The following ANKRD29 variants were observed in gnomAD, a reference collection of about 807,000 sequenced individuals.
ANKRD29 encodes the protein ankyrin repeat domain 29.
In ANKRD29, 32 loss-of-function variants were observed where a neutral mutation model predicts 38.0. That is an observed-to-expected ratio of 0.84 (90% CI 0.64 to 1.13). The LOEUF (loss-of-function observed/expected upper bound fraction) is 1.13. ANKRD29 is among the 50% of genes most tolerant of loss of function. The pLI is 0.00. For synonymous variants in ANKRD29, 135 were observed against 152.4 expected (o/e 0.89, Z 0.84); for missense variants, 357 against 377.9 (o/e 0.94, Z 0.46).
At chr18:23,617,055 C>G (rs2059732798) in intron 8 of ANKRD29, among the ~76,000 whole-genome samples, 1 of 152,040 alleles carries the variant, frequency 6.6e-6, no homozygotes, top group Non-Finnish European at 1.5e-5. Flanking sequence ...CCCGTCTCTA[C>G]TAAAAATACA....
intron 6 of ANKRD29, chr18:23,619,934 A>G (rs2059775740): frequency 2.8e-6 from 1 of 351,512 alleles, no homozygotes; most frequent in Admixed American, 4.6e-5. Context: ...AGGGTGGTAC[A>G]GACTTCATGG....
intron 1 of ANKRD29, among the ~76,000 whole-genome samples, chr18:23,658,640 G>A (rs1157583682): frequency 6.6e-6 from 1 of 152,152 alleles, no homozygotes; most frequent in Non-Finnish European, 1.5e-5. Flanking sequence ...CAGGGGCTGA[G>A]GACTGAATGT....
At chr18:23,646,049 T>C (rs898254029) in intron 3 of ANKRD29, 140 bp downstream of exon 3, 1 of 741,142 alleles carries the variant, frequency 1.3e-6, no homozygotes, top group Non-Finnish European at 2.2e-6. Flanking sequence ...GACCTCATTG[T>C]AGGCACAATA....
intron 6 of ANKRD29, among the ~76,000 whole-genome samples, chr18:23,629,076 C>T (rs1307602589): frequency 6.6e-6 from 1 of 152,180 alleles, no homozygotes; most frequent in Admixed American, 6.5e-5. Context: ...CTTCTGCTTC[C>T]CAGGTTCAAG....
At chr18:23,611,968 C>T (rs998852175) in intron 9 of ANKRD29, 124 bp downstream of exon 9, 5 of 806,180 alleles carry the variant, frequency 6.2e-6, no homozygotes, top group Admixed American at 5.3e-5. Context: ...TAACAGCAAC[C>T]TTGAATGCCC....
chr18:23,632,529 G>GTATATATATATATATA (rs1319966480), intron 5 of ANKRD29, among the ~76,000 whole-genome samples: 1,430 of 67,800 alleles, frequency 0.021, 17 homozygotes, highest in South Asian at 0.11. Flanking sequence ...GTGTGTGTGT[G>GTATATATATATATATA]TGTGTATATA....
At position 23,600,557 on chromosome 18, in the gene ANKRD29, T is replaced by C. The variant is rs1179069068; in HGVS notation, c.*669A>G. The C allele has an allele frequency of 6.6e-6, 1 of 152,656 alleles. No individual in the cohort carries two copies. Among genetic ancestry groups the C allele is most frequent in the East Asian group, 1.9e-4 (1 of 5,202 alleles). The allele number at this position is 152,656 out of a possible 1,614,324, so 9.5% of individuals were successfully genotyped here. On this transcript the variant is annotated 3_prime_UTR_variant, in exon 10 of 10. Transcript: ENST00000592179. The stretch of plus-strand genomic sequence containing the variant: ...ACTCTACGTAAAATTGATTTTTACA[T>C]GTCAGGAATAAGATGAGGATCAACG...
chr18:23,662,720 A>C lies in ANKRD29; in HGVS notation c.11T>G (p.Met4Arg). Reference sequence around the variant, plus strand: ...GTCCCGGTCGCTCACCTTGAAGGACATCCTGCACATGTCCGCGGCCGCCCG... The same window carrying C: ...GTCCCGGTCGCTCACCTTGAAGGACCTCCTGCACATGTCCGCGGCCGCCCG... MCR[M>R]SFKKETPLAN... The change falls in exon 1 of 10, where the codon ATG becomes AGG. Residue 4 changes from methionine (M) to arginine (R), a missense_variant. Transcript: ENST00000592179. 6.8e-7 allele frequency: 1 copy of C among 1,472,200 alleles called. No individual in the cohort carries two copies. The highest frequency in any genetic ancestry group is 8.9e-7 in the Non-Finnish European group (1 of 1,117,328). 91.2% of individuals were successfully genotyped at this position (1,472,200 alleles called of 1,614,324 possible). A position where few individuals can be genotyped will look rare whatever the true frequency, so the allele number is the denominator to read the frequency against.
At chr18:23,618,282 G>A (rs1314480144) in intron 7 of ANKRD29, among the ~76,000 whole-genome samples, 1 of 152,194 alleles carries the variant, frequency 6.6e-6, no homozygotes, top group Admixed American at 6.5e-5. Context: ...CTAGGCATCC[G>A]CCCGTGTGTG....
chr18:23,609,563 T>A (rs2059615461), intron 9 of ANKRD29, among the ~76,000 whole-genome samples: 1 of 152,214 alleles, frequency 6.6e-6, no homozygotes, highest in East Asian at 1.9e-4. Context: ...GTGAACCCAT[T>A]GGGCGGTTAC....
chr18:23,653,809 A>G (rs2060241633), intron 1 of ANKRD29, among the ~76,000 whole-genome samples: 4 of 151,040 alleles, frequency 2.6e-5, no homozygotes. Flanking sequence ...GGCCTCAAGT[A>G]ATCCACTTGC....
intron 9 of ANKRD29, 123 bp downstream of exon 9, chr18:23,611,969 T>C (rs2059648240): frequency 2.5e-6 from 2 of 812,230 alleles, no homozygotes; most frequent in South Asian, 1.8e-5. Context: ...AACAGCAACC[T>C]TGAATGCCCT....
At chr18:23,656,721 A>T (rs753921736) in intron 1 of ANKRD29, among the ~76,000 whole-genome samples, 1 of 152,120 alleles carries the variant, frequency 6.6e-6, no homozygotes, top group Non-Finnish European at 1.5e-5. Context: ...TCCTTTCAAA[A>T]ATTTTACAAT....
chr18:23,623,081 G>A (rs1403231611), intron 6 of ANKRD29, among the ~76,000 whole-genome samples: 2 of 152,220 alleles, frequency 1.3e-5, no homozygotes, highest in Non-Finnish European at 2.9e-5. Context: ...TGGTGAGCAT[G>A]AGCACTGGCT....
Position 23,619,281 on chromosome 18 carries a change from G to A in ANKRD29, c.627+250C>T, listed in dbSNP as rs2059763542. 6.5e-6 allele frequency: 3 copies of A among 463,768 alleles called. No individual in the cohort carries two copies. In the Admixed American group the frequency reaches 1.2e-4, roughly 19 times the overall value. The allele number at this position is 463,768 out of a possible 1,614,324, so 28.7% of individuals were successfully genotyped here. A position where few individuals can be genotyped will look rare whatever the true frequency, so the allele number is the denominator to read the frequency against. Reference sequence around the variant, plus strand: ...AGGCGGGAGGCCCCCAGGACAGGCGGGAGGCCCCGTCTCTACCGCCCTCAG... The same window carrying A: ...AGGCGGGAGGCCCCCAGGACAGGCGAGAGGCCCCGTCTCTACCGCCCTCAG... On this transcript the variant is annotated intron_variant, in intron 7 of 9. Transcript: ENST00000592179.
chr18:23,623,676 T>A (rs1156994792), intron 6 of ANKRD29, among the ~76,000 whole-genome samples: 1 of 151,860 alleles, frequency 6.6e-6, no homozygotes, highest in East Asian at 1.9e-4. Flanking sequence ...GGAGTCTTGC[T>A]CTGTCGCCCA....
intron 4 of ANKRD29, among the ~76,000 whole-genome samples, chr18:23,636,701 G>A (rs1273534721): frequency 6.6e-6 from 1 of 151,942 alleles, no homozygotes; most frequent in Non-Finnish European, 1.5e-5. Flanking sequence ...AGCCTTCCAA[G>A]TAGCTGAGAC....
At chr18:23,617,947 A>C in intron 7 of ANKRD29, 120 bp from the exon 8 acceptor site, 1 of 700,744 alleles carries the variant, frequency 1.4e-6, no homozygotes, top group Non-Finnish European at 2.4e-6. Context: ...AATTAAGCAC[A>C]GATCAGCAAT....
At chr18:23,649,329 A>C (rs774455601) in intron 1 of ANKRD29, 136 bp from the exon 2 acceptor site, 45 of 739,030 alleles carry the variant, frequency 6.1e-5, no homozygotes, top group Non-Finnish European at 7.6e-5. Flanking sequence ...TCCTCCAGCA[A>C]TAGACAACTG....
Sources: allele counts gnomAD v4.1 joint callset (sites outside exome capture counted in the v4.1 genomes callset), GRCh38; gene constraint gnomAD v4.1.1; transcripts MANE v1.5; gene names NCBI Gene and HGNC (gene_info 2026-07-23, HGNC 2026-07-21).